Variants in TNK2 observed in about 807,000 individuals in gnomAD.
TNK2 encodes tyrosine kinase non receptor 2, also known as activated CDC42 kinase 1.
Under a neutral mutation model 101.8 loss-of-function variants are expected in TNK2, and 83 were observed. The ratio of observed to expected loss-of-function variants is 0.82; its 90% confidence interval spans 0.68 to 0.98. TNK2 has a LOEUF of 0.98. TNK2 is among the 50% of genes least tolerant of loss of function. The pLI, the probability that TNK2 is intolerant of heterozygous loss-of-function variation, is 0.00. For missense variants in TNK2, 1,665 were observed against 1,483.2 expected, an observed-to-expected ratio of 1.12 and a Z score of -2.01; for synonymous variants, 804 against 633.0, an observed-to-expected ratio of 1.27 and a Z score of -4.06.
rs369253169 is a variant in TNK2 at position 195,878,997 on chromosome 3, G to A, written c.1014+52C>T. 7.5e-5 allele frequency: 119 copies of A among 1,595,208 alleles called. 1 individual carries two copies. Among genetic ancestry groups the A allele is most frequent in the Non-Finnish European group, 1.0e-4 (117 of 1,170,516 alleles). On this transcript the variant is annotated intron_variant, in intron 7 of 15. Transcript: ENST00000672887. The surrounding 1 kb of genome is among the most constrained non-coding windows in gnomAD (Gnocchi z 4.7). ...TCCAGCAGGGCCAGGCTGCAAGCAG[G>A]GAATGGAATTCACCCCACCAGCCCT...
chr3:195,906,969 C>T (rs1006596247), intron 1 of TNK2, among the ~76,000 whole-genome samples: 16 of 152,074 alleles, frequency 1.1e-4, no homozygotes, highest in Admixed American at 3.3e-4. Flanking sequence ...TCCTGGCCCA[C>T]CGCAGACACC....
In TNK2 at chr3:195,883,196, G is replaced by A. The variant is rs1560517562; in HGVS notation, c.570C>T (p.Ile190=). 1.9e-6 allele frequency: 3 copies of A among 1,609,764 alleles called. No individual in the cohort carries two copies. Among genetic ancestry groups the A allele is most frequent in the African/African-American group, 2.7e-5 (2 of 74,928 alleles). The change falls in exon 5 of 16, where the codon ATC becomes ATT. Residue 190 remains isoleucine (I), a synonymous_variant. Coordinates refer to ENST00000672887, the MANE Select transcript of TNK2 (RefSeq NM_001382273.1). The part of the protein sequence containing the change: ...AMHSLDHRNL[I]RLYGVVLTPP... ...GCGTGAGCACCACCCCGTAGAGGCGGATGAGGTTTCGGTGGTCGAGCGAGT... is the reference window on the plus strand; with the variant it reads ...GCGTGAGCACCACCCCGTAGAGGCGAATGAGGTTTCGGTGGTCGAGCGAGT...
At chr3:195,868,747 A>C in intron 12 of TNK2, 38 bp from the exon 13 acceptor site, 1 of 1,517,734 alleles carries the variant, frequency 6.6e-7, no homozygotes, top group South Asian at 1.2e-5. Flanking sequence ...GAAGGCAGTC[A>C]GGCAGGGTCT....
At chr3:195,883,058 C>T in intron 5 of TNK2, 99 bp downstream of exon 5, 3 of 1,464,918 alleles carry the variant, frequency 2.0e-6, no homozygotes, top group Non-Finnish European at 2.8e-6. Context: ...AAAGTAGGAT[C>T]TAGGGCGCCT....
chr3:195,907,512 C>A (rs1761860569), intron 1 of TNK2, among the ~76,000 whole-genome samples: 1 of 152,222 alleles, frequency 6.6e-6, no homozygotes, highest in South Asian at 2.1e-4. Context: ...CCCATCCCCA[C>A]CCAGGGGCAG....
At chr3:195,891,254 A>C (rs886235289) in intron 1 of TNK2, among the ~76,000 whole-genome samples, 3 of 152,204 alleles carry the variant, frequency 2.0e-5, no homozygotes, top group African/African-American at 7.2e-5. Flanking sequence ...TGAAAATAGA[A>C]AATTAGCCGG....
chr3:195,895,660 G>A (rs533198729), intron 1 of TNK2: 14 of 1,225,368 alleles, frequency 1.1e-5, no homozygotes, highest in African/African-American at 9.5e-5. Flanking sequence ...CCGCGGAACC[G>A]GGCTCCACTC....
intron 1 of TNK2, chr3:195,895,177 G>A: frequency 7.1e-7 from 1 of 1,407,870 alleles, no homozygotes; most frequent in Admixed American, 3.0e-5. Flanking sequence ...GCAGGGCTGA[G>A]CCCGGCTCAC....
chr3:195,899,730 G>C (rs866734542), intron 1 of TNK2, among the ~76,000 whole-genome samples: 1 of 152,188 alleles, frequency 6.6e-6, no homozygotes, highest in African/African-American at 2.4e-5. Flanking sequence ...CTGAAGGAGC[G>C]GTCTGTATAC....
At chr3:195,903,695 C>T (rs1356923147) in intron 1 of TNK2, among the ~76,000 whole-genome samples, 2 of 151,894 alleles carry the variant, frequency 1.3e-5, no homozygotes, top group African/African-American at 2.4e-5. Context: ...CCAGCCTGGG[C>T]GACAAGCATG....
intron 1 of TNK2, among the ~76,000 whole-genome samples, chr3:195,889,444 C>T (rs904372942): frequency 2.6e-5 from 4 of 152,254 alleles, no homozygotes; most frequent in African/African-American, 9.6e-5. Flanking sequence ...CCCTCCCCAG[C>T]TGCACAGCCA....
At position 195,868,031 on chromosome 3, in the gene TNK2, G is replaced by A. The variant is rs1231516551; in HGVS notation, c.2267C>T (p.Pro756Leu). The A allele has an allele frequency of 2.5e-6, 4 of 1,590,692 alleles. No homozygotes were observed. The highest frequency in any genetic ancestry group is 2.6e-6 in the Non-Finnish European group (3 of 1,173,260). ...PGGDDKPQVP[P>L]RVPIPPRPTR... ...GGGCCGAGGGGGGATGGGTACCCGA[G>A]GAGGCACCTGGGGCTTGTCGTCACC... is the stretch of plus-strand genomic sequence containing the variant. The change falls in exon 13 of 16, where the codon CCT (proline) becomes CTT (leucine). Residue 756 changes from proline (P) to leucine (L), a missense_variant. By Grantham distance (98) the Pro-to-Leu change is moderately conservative (BLOSUM62 -3). This residue lies in a region of TNK2 where 1,136 missense variants were observed against 894.9 expected (regional missense o/e 1.27). Coordinates refer to ENST00000672887, the MANE Select transcript of TNK2 (RefSeq NM_001382273.1).
In TNK2 at chr3:195,891,612, C is replaced by T. The variant is rs1357620684; in HGVS notation, c.-18-3006G>A. On this transcript the variant is annotated intron_variant, in intron 1 of 15. Transcript: ENST00000672887. ...CACGGGCCTAGGCAGCGTCTCCTCT[C>T]CACCCGGCCACGGCCACCGCTGCCC... is the stretch of plus-strand genomic sequence containing the variant. Among the ~76,000 whole-genome samples the T allele has an allele frequency of 2.6e-5, 4 of 152,294 alleles. No individual in the cohort carries two copies. The East Asian group carries it at 7.7e-4, about 29-fold the overall frequency.
intron 5 of TNK2, 92 bp downstream of exon 5, chr3:195,883,065 G>T: frequency 6.8e-7 from 1 of 1,480,228 alleles, no homozygotes; most frequent in Non-Finnish European, 9.1e-7. Context: ...GATCTAGGGC[G>T]CCTCTGACCT....
intron 6 of TNK2, among the ~76,000 whole-genome samples, chr3:195,881,502 C>T (rs868307813): frequency 9.1e-5 from 11 of 120,610 alleles, no homozygotes; most frequent in Admixed American, 1.6e-4. Flanking sequence ...AGCAACGCCC[C>T]TTGGAGAGGA....
rs1750807191 is a variant in TNK2, at chr3:195,878,762, C to G, written c.1015-170G>C. 6.6e-6 allele frequency among the ~76,000 whole-genome samples: 1 copy of G among 152,206 alleles called. No homozygotes were observed. The highest frequency in any genetic ancestry group is 2.1e-4 in the South Asian group (1 of 4,828). ...CTCTCCAGAGCCCCAGTCCCTTCTT[C>G]CCAGGTCTGGAGCCTCGGAACAAGT... On this transcript the variant is annotated intron_variant, in intron 7 of 15. Transcript: ENST00000672887. The surrounding 1 kb of genome is among the most constrained non-coding windows in gnomAD (Gnocchi z 4.7).
chr3:195,896,205 G>T (rs1760471522), intron 1 of TNK2: 2 of 428,134 alleles, frequency 4.7e-6, no homozygotes, highest in Admixed American at 2.6e-5. Flanking sequence ...CTCCCCCGGG[G>T]CCCCAAGGCA....
chr3:195,893,709 C>A (rs1249280899), intron 1 of TNK2, among the ~76,000 whole-genome samples: 1 of 152,084 alleles, frequency 6.6e-6, no homozygotes, highest in Non-Finnish European at 1.5e-5. Context: ...CAGGCACCCC[C>A]CTCCCTGCTG....
At chr3:195,897,820 C>A (rs1338921045) in intron 1 of TNK2, among the ~76,000 whole-genome samples, 9 of 5,254 alleles carry the variant, frequency 1.7e-3, no homozygotes, top group African/African-American at 6.1e-3. Context: ...ACCCCCCCAC[C>A]CCCCCCCCAC....
Sources: gnomAD v4.1 joint callset for allele counts (sites outside exome capture counted in the v4.1 genomes callset) on GRCh38, gnomAD v4.1.1 for gene constraint, gnomAD v4.1.1 regional missense constraint, Gnocchi (gnomAD v3.1) non-coding constraint, MANE v1.5 for transcripts, NCBI Gene and HGNC (gene_info 2026-07-23, HGNC 2026-07-21) for gene names.